The following ABLIM2 variants were observed in gnomAD, a reference collection of about 807,000 sequenced individuals.
The protein encoded by ABLIM2 is actin-binding LIM protein 2.
In ABLIM2, 53 loss-of-function variants were observed where a neutral mutation model predicts 97.7. The ratio of observed to expected loss-of-function variants is 0.54; its 90% CI spans 0.44 to 0.68. The LOEUF is 0.68. Ranked by LOEUF, ABLIM2 falls within the 30% of genes least tolerant of loss-of-function variation. ABLIM2 has a pLI of 0.00. For synonymous variants in ABLIM2, 361 were observed against 345.8 expected (o/e 1.04, Z -0.49); for missense variants, 835 against 867.2 (o/e 0.96, Z 0.47).
At chr4:8,014,430 C>T (rs1250938214) in intron 14 of ABLIM2, among the ~76,000 whole-genome samples, 4 of 152,176 alleles carry the variant, frequency 2.6e-5, no homozygotes, top group African/African-American at 9.7e-5. Context: ...CTACAATTCA[C>T]ATTGAATTGG....
In ABLIM2 at chr4:8,082,244, C is replaced by T. The variant is rs575202386; in HGVS notation, c.455-1442G>A. Among the ~76,000 whole-genome samples the T allele has an allele frequency of 2.0e-5, 3 of 152,166 alleles. No individual in the cohort carries two copies. The highest frequency in any genetic ancestry group is 2.1e-4 in the South Asian group (1 of 4,832). ...GAAAGAAGGTGGCCCCAGGGCCCGA[C>T]GTGCTGGGTACAAATCCTGGCCCCC... is the stretch of plus-strand genomic sequence containing the variant. On this transcript the variant is annotated intron_variant, in intron 4 of 20. Transcript: ENST00000447017. The surrounding 1 kb of genome is among the most constrained non-coding windows in gnomAD (Gnocchi z 5.6).
chr4:8,121,848 G>A (rs1845627944), intron 1 of ABLIM2, among the ~76,000 whole-genome samples: 1 of 152,160 alleles, frequency 6.6e-6, no homozygotes, highest in Non-Finnish European at 1.5e-5. Context: ...CAGTTCCTGT[G>A]TCCAGGCAAA....
rs959196063 is a variant in ABLIM2 at position 8,132,708 on chromosome 4, G to C, written c.10+25972C>G. ...GTGACTCAGTCCTGGGCCTGCAACA[G>C]GCCCCAACACTCCAGAGCCCTGGGA... On this transcript the variant is annotated intron_variant, in intron 1 of 20. Transcript: ENST00000447017. The surrounding 1 kb of genome is among the most constrained non-coding windows in gnomAD (Gnocchi z 8.0). Among the ~76,000 whole-genome samples, 2 of 152,210 alleles carry C rather than the reference G, an allele frequency of 1.3e-5. No homozygotes were observed. The highest frequency in any genetic ancestry group is 4.8e-5 in the African/African-American group (2 of 41,460).
intron 3 of ABLIM2, among the ~76,000 whole-genome samples, chr4:8,091,142 G>A (rs1827118069): frequency 1.3e-5 from 2 of 149,300 alleles, no homozygotes; most frequent in African/African-American, 2.5e-5. Context: ...CACTTGCCAT[G>A]GTCCATCTTT....
At chr4:8,143,973 G>C (rs1166842048) in intron 1 of ABLIM2, among the ~76,000 whole-genome samples, 1 of 152,168 alleles carries the variant, frequency 6.6e-6, no homozygotes, top group Non-Finnish European at 1.5e-5. Context: ...GGCGCTCGGA[G>C]GGGAGGACTT....
chr4:8,101,498 C>T (rs1210018433), intron 2 of ABLIM2, among the ~76,000 whole-genome samples: 1 of 152,222 alleles, frequency 6.6e-6, no homozygotes, highest in Admixed American at 6.5e-5. Flanking sequence ...TGCACCATTC[C>T]TTCATTCCTC....
chr4:8,039,618 T>C (rs933573754), intron 9 of ABLIM2, among the ~76,000 whole-genome samples: 3 of 152,176 alleles, frequency 2.0e-5, no homozygotes, highest in Non-Finnish European at 4.4e-5. Context: ...TACACACTAA[T>C]ATGGCCACTT....
At chr4:7,980,961 T>TTTTTTTTTTTTTTTTTTTA (rs1737839935) in intron 20 of ABLIM2, among the ~76,000 whole-genome samples, 2 of 144,276 alleles carry the variant, frequency 1.4e-5, no homozygotes, top group South Asian at 2.3e-4. Flanking sequence ...TTTTTTTTTT[T>TTTTTTTTTTTTTTTTTTTA]GAGATGGAGT....
chr4:8,040,634 A>C (rs1260238098), intron 9 of ABLIM2, among the ~76,000 whole-genome samples: 1 of 151,710 alleles, frequency 6.6e-6, no homozygotes, highest in East Asian at 1.9e-4. Flanking sequence ...AGAAAAGAAA[A>C]GAAAAGCAGG....
chr4:8,156,725 G>T (rs1253156941), intron 1 of ABLIM2, among the ~76,000 whole-genome samples: 1 of 152,206 alleles, frequency 6.6e-6, no homozygotes, highest in African/African-American at 2.4e-5. Context: ...GTGTGGGGAG[G>T]GCCACAGGGG....
rs1847503732 is a variant in ABLIM2, at chr4:8,125,569, T to C, written c.11-18932A>G. 6.6e-6 allele frequency among the ~76,000 whole-genome samples: 1 copy of C among 152,200 alleles called. No homozygotes were observed. The highest frequency in any genetic ancestry group is 2.4e-5 in the African/African-American group (1 of 41,466). ...TACCACAGTCGATCTGCAGTGCTGATGGCCACAGGTTTGCATGGGGCCTCG... is the reference window on the plus strand; with the variant it reads ...TACCACAGTCGATCTGCAGTGCTGACGGCCACAGGTTTGCATGGGGCCTCG... On this transcript the variant is annotated intron_variant, in intron 1 of 20. Transcript: ENST00000447017. This position sits in a 1 kb window ranked among gnomAD's most constrained non-coding sequence, Gnocchi z 6.2.
chr4:8,008,623 G>A (rs1207414454), intron 15 of ABLIM2, among the ~76,000 whole-genome samples: 1 of 152,230 alleles, frequency 6.6e-6, no homozygotes, highest in East Asian at 1.9e-4. Context: ...ACACGGAGAT[G>A]CCTGTTCGTG....
At position 8,113,213 on chromosome 4, in the gene ABLIM2, G is replaced by C. The variant is rs1426470945; in HGVS notation, c.11-6576C>G. Among the ~76,000 whole-genome samples, 6 of 152,130 alleles carry C rather than the reference G, an allele frequency of 3.9e-5. No homozygotes were observed. The highest frequency in any genetic ancestry group is 8.8e-5 in the Non-Finnish European group (6 of 68,028). ...GGGATCAAGCCATCCTCCCACCTCAGCCTCCCGAGTAGCTGGGACCACAAG... is the reference window on the plus strand; with the variant it reads ...GGGATCAAGCCATCCTCCCACCTCACCCTCCCGAGTAGCTGGGACCACAAG... On this transcript the variant is annotated intron_variant, in intron 1 of 20. Coordinates refer to ENST00000447017, the MANE Select transcript of ABLIM2 (RefSeq NM_001130083.2). The surrounding 1 kb of genome is among the most constrained non-coding windows in gnomAD (Gnocchi z 4.5).
At chr4:7,979,909 G>C (rs535922541) in intron 20 of ABLIM2, among the ~76,000 whole-genome samples, 1 of 152,200 alleles carries the variant, frequency 6.6e-6, no homozygotes, top group Non-Finnish European at 1.5e-5. Flanking sequence ...GAGAGAGAAA[G>C]ATGTGGGTCT....
intron 13 of ABLIM2, 110 bp downstream of exon 13, chr4:8,020,092 G>C: frequency 1.0e-6 from 1 of 954,490 alleles, no homozygotes; most frequent in Non-Finnish European, 1.6e-6. Context: ...GGAGCCTGGA[G>C]TGTCGTCTGG....
chr4:8,127,444 G>T lies in ABLIM2; in HGVS notation c.11-20807C>A. On this transcript the variant is annotated intron_variant, in intron 1 of 20. Transcript: ENST00000447017. The surrounding 1 kb of genome is among the most constrained non-coding windows in gnomAD (Gnocchi z 7.3). Reference sequence around the variant, plus strand: ...CGTCCTTTCCCACCAGACCCCTGAAGCTGATTCATGGAGCTCACAGCTCCC... The same window carrying T: ...CGTCCTTTCCCACCAGACCCCTGAATCTGATTCATGGAGCTCACAGCTCCC... The T allele has an allele frequency of 8.0e-7, 1 of 1,251,706 alleles. No homozygotes were observed. Among genetic ancestry groups the T allele is most frequent in the Non-Finnish European group, 1.0e-6 (1 of 958,088 alleles). 77.5% of individuals were successfully genotyped at this position (1,251,706 alleles called of 1,614,324 possible).
chr4:8,097,793 AC>A (rs1403124166), intron 2 of ABLIM2, among the ~76,000 whole-genome samples: 1 of 143,962 alleles, frequency 6.9e-6, no homozygotes, highest in South Asian at 2.2e-4. Flanking sequence ...TAGGCTTCCC[AC>A]CCCCTCCCCC....
chr4:8,102,067 A>G (rs1577888792), intron 2 of ABLIM2, among the ~76,000 whole-genome samples: 1 of 152,146 alleles, frequency 6.6e-6, no homozygotes, highest in Non-Finnish European at 1.5e-5. Flanking sequence ...ATCCATGGAA[A>G]CCTACAAGGA....
At position 8,112,575 on chromosome 4, in the gene ABLIM2, G is replaced by C. The variant is rs894867770; in HGVS notation, c.11-5938C>G. Among the ~76,000 whole-genome samples the C allele has an allele frequency of 6.6e-6, 1 of 152,166 alleles. No individual in the cohort carries two copies. The highest frequency in any genetic ancestry group is 1.5e-5 in the Non-Finnish European group (1 of 68,042). On this transcript the variant is annotated intron_variant, in intron 1 of 20. Transcript: ENST00000447017. This position sits in a 1 kb window ranked among gnomAD's most constrained non-coding sequence, Gnocchi z 4.2. ...CAGAAAGAGGAAAAACGATGACTCT[G>C]AGGTCTACTCGAGGTTTCCCAGTCC...
Sources: gnomAD v4.1 joint callset for allele counts (sites outside exome capture counted in the v4.1 genomes callset) on GRCh38, gnomAD v4.1.1 for gene constraint, Gnocchi (gnomAD v3.1) non-coding constraint, MANE v1.5 for transcripts, NCBI Gene and HGNC (gene_info 2026-07-23, HGNC 2026-07-21) for gene names.